The following UST variants were observed in gnomAD, a reference collection of about 807,000 sequenced individuals.
UST encodes chondroitin sulfate 2-O-sulfotransferase.
A neutral mutation model predicts 45.6 loss-of-function variants in UST; 21 were observed. The ratio of observed to expected loss-of-function variants is 0.46; its 90% CI spans 0.33 to 0.66. UST has a LOEUF of 0.66. Ranked by LOEUF, UST falls within the 30% of genes least tolerant of loss-of-function variation. The pLI is 0.02. For synonymous variants in UST, 215 were observed against 200.6 expected, an observed-to-expected ratio of 1.07 and a Z score of -0.61; for missense variants, 463 against 512.4, an observed-to-expected ratio of 0.90 and a Z score of 0.93.
intron 1 of UST, among the ~76,000 whole-genome samples, chr6:148,867,048 C>T (rs1396379212): frequency 6.6e-6 from 1 of 152,118 alleles, no homozygotes; most frequent in Non-Finnish European, 1.5e-5. Flanking sequence ...CTCCTATGCT[C>T]AACTAACTTC....
At chr6:148,808,142 G>A (rs1221359693) in intron 1 of UST, among the ~76,000 whole-genome samples, 5 of 152,132 alleles carry the variant, frequency 3.3e-5, no homozygotes, top group Non-Finnish European at 5.9e-5. Flanking sequence ...AAGGTGGAGA[G>A]GAGTAAGAGA....
At chr6:148,888,597 A>C (rs1778953632) in intron 2 of UST, among the ~76,000 whole-genome samples, 1 of 152,220 alleles carries the variant, frequency 6.6e-6, no homozygotes, top group South Asian at 2.1e-4. Flanking sequence ...AAAATGATTG[A>C]ATGAGCTGAT....
At chr6:148,810,673 CTT>C (rs1777239949) in intron 1 of UST, among the ~76,000 whole-genome samples, 1 of 152,200 alleles carries the variant, frequency 6.6e-6, no homozygotes, top group Non-Finnish European at 1.5e-5. Context: ...GCTCAACTCT[CTT>C]TTCTCTCTAC....
At chr6:148,878,848 G>A (rs62426098) in intron 1 of UST, among the ~76,000 whole-genome samples, 126,547 of 151,454 alleles carry the variant, frequency 0.84, 53,318 homozygotes, top group East Asian at 0.98. Flanking sequence ...TGGGGATTAT[G>A]TGTGAGTGTG....
chr6:148,876,757 TG>T (rs1301424078), intron 1 of UST, among the ~76,000 whole-genome samples: 1 of 151,934 alleles, frequency 6.6e-6, no homozygotes, highest in East Asian at 1.9e-4. Context: ...TTATTCGTTT[TG>T]TTGTTTTTGT....
chr6:149,069,061 A>G (rs1776783295), intron 7 of UST, among the ~76,000 whole-genome samples: 1 of 152,246 alleles, frequency 6.6e-6, no homozygotes, highest in Admixed American at 6.5e-5. Flanking sequence ...TGTTGATGCA[A>G]ATGACATGAT....
chr6:148,792,304 C>G (rs1776864559), intron 1 of UST, among the ~76,000 whole-genome samples: 2 of 152,158 alleles, frequency 1.3e-5, no homozygotes, highest in Admixed American at 1.3e-4. Context: ...TCATACTTGA[C>G]CAAAAAGCAA....
Position 148,888,194 on chromosome 6 carries a change from C to A in UST, c.291+1165C>A, listed in dbSNP as rs1467877173. On this transcript the variant is annotated intron_variant, in intron 2 of 7. Coordinates refer to ENST00000367463, the MANE Select transcript of UST (RefSeq NM_005715.3). ...GCATCTTACGTGGCCAGAGCAGGAA[C>A]AAGAGGGATTGGGGGAGGTACCACA... 1.3e-5 allele frequency among the ~76,000 whole-genome samples: 2 copies of A among 152,132 alleles called. 1 individual carries two copies. The highest frequency in any genetic ancestry group is 2.9e-5 in the Non-Finnish European group (2 of 68,024).
intron 7 of UST, among the ~76,000 whole-genome samples, chr6:149,058,185 A>C (rs150948762): frequency 6.6e-6 from 1 of 152,314 alleles, no homozygotes; most frequent in Non-Finnish European, 1.5e-5. Context: ...TAATAGACCA[A>C]CATGAAAAAA....
intron 1 of UST, among the ~76,000 whole-genome samples, chr6:148,828,949 A>G (rs1425195274): frequency 6.6e-6 from 1 of 152,202 alleles, no homozygotes; most frequent in Non-Finnish European, 1.5e-5. Context: ...CTCTTCCTTA[A>G]AAATTAGAAA....
At chr6:149,061,610 A>G (rs981425799) in intron 7 of UST, among the ~76,000 whole-genome samples, 1 of 152,240 alleles carries the variant, frequency 6.6e-6, no homozygotes. Context: ...TCTGTGTGCA[A>G]TCCACTGACA....
chr6:148,977,547 C>T (rs1276476375), intron 5 of UST, among the ~76,000 whole-genome samples: 5 of 151,918 alleles, frequency 3.3e-5, no homozygotes, highest in East Asian at 1.9e-4. Context: ...GTCAGGAGAT[C>T]GAGCCCATCC....
In UST at chr6:149,072,359, G is replaced by T. The variant is rs6905895; in HGVS notation, c.938-1474G>T. On this transcript the variant is annotated intron_variant, in intron 7 of 7. Coordinates refer to ENST00000367463, the MANE Select transcript of UST (RefSeq NM_005715.3). ...ATGGAATGTTATTCAACCTTAAAAG[G>T]AATGAAGTTCTGGGCCAGGCATGGT... Among the ~76,000 whole-genome samples, 1,070 of 152,204 alleles carry T rather than the reference G, an allele frequency of 7.0e-3. 14 individuals carry two copies. Among genetic ancestry groups the T allele is most frequent in the African/African-American group, 0.025 (1,023 of 41,546 alleles).
chr6:148,841,713 C>G (rs1176392411), intron 1 of UST, among the ~76,000 whole-genome samples: 2 of 151,890 alleles, frequency 1.3e-5, no homozygotes, highest in Admixed American at 1.3e-4. Context: ...CTTTGGTCTA[C>G]CTAGAACAAA....
At chr6:148,984,931 C>G (rs1013169130) in intron 5 of UST, among the ~76,000 whole-genome samples, 2 of 152,128 alleles carry the variant, frequency 1.3e-5, no homozygotes, top group Non-Finnish European at 2.9e-5. Flanking sequence ...AAAGACATGT[C>G]TATGTAATAA....
At chr6:149,000,614 A>T (rs1781530047) in intron 5 of UST, among the ~76,000 whole-genome samples, 1 of 152,236 alleles carries the variant, frequency 6.6e-6, no homozygotes. Context: ...CTAGTACTGG[A>T]ATATGAATAC....
At chr6:149,013,663 G>T (rs192202498) in intron 5 of UST, among the ~76,000 whole-genome samples, 4 of 152,286 alleles carry the variant, frequency 2.6e-5, no homozygotes, top group Admixed American at 2.6e-4. Context: ...ATTAATCTTG[G>T]AGCTAATTAA....
intron 1 of UST, among the ~76,000 whole-genome samples, chr6:148,824,824 C>T (rs1252055985): frequency 1.7e-5 from 2 of 116,274 alleles, no homozygotes; most frequent in Non-Finnish European, 3.5e-5. Context: ...TGCTATCCCT[C>T]CCCCCTCCCC....
chr6:148,889,272 C>A (rs1350754769), intron 2 of UST, among the ~76,000 whole-genome samples: 1 of 152,206 alleles, frequency 6.6e-6, no homozygotes, highest in African/African-American at 2.4e-5. Context: ...TAAAGAGAAC[C>A]ATTTCCTTAG....
Sources: allele counts gnomAD v4.1 joint callset (sites outside exome capture counted in the v4.1 genomes callset), GRCh38; gene constraint gnomAD v4.1.1; transcripts MANE v1.5; gene names NCBI Gene and HGNC (gene_info 2026-07-23, HGNC 2026-07-21).